SGIP1: variants seen among roughly 807,000 people sequenced by gnomAD.
SGIP1 encodes SH3-containing GRB2-like protein 3-interacting protein 1.
SGIP1 carries 38 observed loss-of-function variants against 107.5 expected under a neutral mutation model. The ratio of observed to expected loss-of-function variants is 0.35; its 90% CI spans 0.27 to 0.46. SGIP1 has a LOEUF of 0.46. Among genes scored for constraint, SGIP1 ranks in the 20% least tolerant of loss-of-function variants. The probability of loss-of-function intolerance (pLI) is 1.00; values close to 1 mark genes in which losing one functional copy is unlikely to be tolerated. For missense variants in SGIP1, 929 were observed against 1,019.5 expected (o/e 0.91, Z 1.21); for synonymous variants, 365 against 366.1 (o/e 1.00, Z 0.03).
At chr1:66,741,530 C>A in intron 24 of SGIP1, 94 bp downstream of exon 24, 1 of 1,275,122 alleles carries the variant, frequency 7.8e-7, no homozygotes, top group Non-Finnish European at 1.0e-6. Flanking sequence ...TCTTTTTCCT[C>A]CACCTCTTTC....
intron 1 of SGIP1, among the ~76,000 whole-genome samples, 165 bp downstream of exon 1, chr1:66,534,533 A>G (rs1010205212): frequency 2.0e-5 from 3 of 152,186 alleles, no homozygotes; most frequent in African/African-American, 4.8e-5. Flanking sequence ...GGCTCAGACT[A>G]ATGGAATCAA....
At chr1:66,585,928 G>C (rs926067288) in intron 1 of SGIP1, among the ~76,000 whole-genome samples, 2 of 152,168 alleles carry the variant, frequency 1.3e-5, no homozygotes, top group African/African-American at 2.4e-5. Context: ...CTGTCTAATT[G>C]ATTTACCAAT....
intron 17 of SGIP1, among the ~76,000 whole-genome samples, chr1:66,693,428 A>G (rs2090290749): frequency 6.6e-6 from 1 of 152,204 alleles, no homozygotes; most frequent in African/African-American, 2.4e-5. Context: ...TTCAAGATAC[A>G]GAGATAACAA....
At chr1:66,675,079 T>C (rs1445778127) in intron 12 of SGIP1, among the ~76,000 whole-genome samples, 1 of 152,222 alleles carries the variant, frequency 6.6e-6, no homozygotes, top group Non-Finnish European at 1.5e-5. Context: ...CTGTGATCAA[T>C]CTCACTCTTA....
At chr1:66,698,163 G>A (rs185607768) in intron 18 of SGIP1, among the ~76,000 whole-genome samples, 97 of 152,210 alleles carry the variant, frequency 6.4e-4, no homozygotes, top group Admixed American at 1.5e-3. Flanking sequence ...ACTAAGTGGC[G>A]TATGACTTTA....
At chr1:66,584,606 T>C (rs1274089288) in intron 1 of SGIP1, among the ~76,000 whole-genome samples, 1 of 152,198 alleles carries the variant, frequency 6.6e-6, no homozygotes, top group Non-Finnish European at 1.5e-5. Flanking sequence ...CTGTACTATG[T>C]TAGCTTCCTT....
intron 23 of SGIP1, among the ~76,000 whole-genome samples, chr1:66,740,991 A>T (rs552092960): frequency 1.3e-5 from 2 of 152,308 alleles, no homozygotes; most frequent in East Asian, 3.9e-4. Context: ...ACGCTCCCTG[A>T]TTAGATATTT....
chr1:66,537,516 G>A (rs956478063), intron 1 of SGIP1, among the ~76,000 whole-genome samples: 1 of 152,084 alleles, frequency 6.6e-6, no homozygotes, highest in African/African-American at 2.4e-5. Flanking sequence ...CTATTTGTGA[G>A]GGTGTCTAGA....
intron 20 of SGIP1, among the ~76,000 whole-genome samples, chr1:66,732,732 C>T (rs1426949486): frequency 7.1e-6 from 1 of 140,204 alleles, no homozygotes; most frequent in Non-Finnish European, 1.6e-5. Flanking sequence ...CCCTAATTTT[C>T]TCTCTTTTTT....
intron 18 of SGIP1, among the ~76,000 whole-genome samples, chr1:66,704,009 A>C (rs1009273475): frequency 1.3e-5 from 2 of 152,008 alleles, no homozygotes; most frequent in African/African-American, 2.4e-5. Context: ...TCCTCCTCTG[A>C]AAACTGGAAT....
intron 1 of SGIP1, among the ~76,000 whole-genome samples, chr1:66,548,178 T>G (rs2056762292): frequency 6.6e-6 from 1 of 152,232 alleles, no homozygotes; most frequent in Admixed American, 6.5e-5. Context: ...TTACTTGGGT[T>G]GTCGGATGGA....
chr1:66,712,765 T>A (rs1465468212), intron 18 of SGIP1, among the ~76,000 whole-genome samples: 1 of 152,174 alleles, frequency 6.6e-6, no homozygotes, highest in Non-Finnish European at 1.5e-5. Context: ...ATTTAAATTA[T>A]TTTTAGTCTC....
intron 20 of SGIP1, among the ~76,000 whole-genome samples, chr1:66,732,868 T>C (rs574467421): frequency 9.8e-4 from 150 of 152,308 alleles, no homozygotes; most frequent in Middle Eastern, 3.4e-3. Context: ...ACTACTGTTA[T>C]TGCACTATAT....
intron 18 of SGIP1, among the ~76,000 whole-genome samples, chr1:66,703,721 T>C (rs1413269864): frequency 1.3e-5 from 2 of 151,250 alleles, no homozygotes; most frequent in Non-Finnish European, 2.9e-5. Flanking sequence ...ATATATATTA[T>C]ATATGATCAT....
At chr1:66,573,101 C>T (rs982678398) in intron 1 of SGIP1, among the ~76,000 whole-genome samples, 2 of 151,994 alleles carry the variant, frequency 1.3e-5, no homozygotes, top group South Asian at 2.1e-4. Flanking sequence ...AGGGTTTCTT[C>T]GTGGAGTGAT....
At chr1:66,638,219 T>C (rs1004343698) in intron 4 of SGIP1, among the ~76,000 whole-genome samples, 1 of 152,044 alleles carries the variant, frequency 6.6e-6, no homozygotes, top group African/African-American at 2.4e-5. Context: ...AGAAAGTAAA[T>C]ATGATAAAGA....
At chr1:66,739,769 T>C (rs753456873) in intron 22 of SGIP1, among the ~76,000 whole-genome samples, 1 of 152,184 alleles carries the variant, frequency 6.6e-6, no homozygotes, top group Non-Finnish European at 1.5e-5. Context: ...TCTCCAAAAA[T>C]GCCTCCCAGA....
chr1:66,657,709 C>T (rs1232739927), intron 7 of SGIP1, among the ~76,000 whole-genome samples: 2 of 151,866 alleles, frequency 1.3e-5, no homozygotes, highest in Admixed American at 1.3e-4. Flanking sequence ...TTTTCTTAGA[C>T]TATTGGACAA....
At chr1:66,554,799 C>T (rs2057948531) in intron 1 of SGIP1, among the ~76,000 whole-genome samples, 1 of 152,074 alleles carries the variant, frequency 6.6e-6, no homozygotes, top group Admixed American at 6.6e-5. Flanking sequence ...GAATACTCAA[C>T]CTGTAATAGA....
Sources: gnomAD v4.1 joint callset for allele counts (sites outside exome capture counted in the v4.1 genomes callset) on GRCh38, gnomAD v4.1.1 for gene constraint, MANE v1.5 for transcripts, NCBI Gene and HGNC (gene_info 2026-07-23, HGNC 2026-07-21) for gene names.